FBXO4: variants seen among roughly 807,000 people sequenced by gnomAD.
FBXO4 encodes the protein F-box protein 4.
Under a neutral mutation model 43.7 loss-of-function variants are expected in FBXO4, and 36 were observed. The ratio of observed to expected loss-of-function variants is 0.82; its 90% confidence interval spans 0.63 to 1.09. FBXO4 has a LOEUF of 1.09. FBXO4 is among the 50% of genes least tolerant of loss of function. The pLI is 0.00. For synonymous variants in FBXO4, 180 were observed against 165.6 expected, an observed-to-expected ratio of 1.09 and a Z score of -0.67; for missense variants, 435 against 474.1, an observed-to-expected ratio of 0.92 and a Z score of 0.77.
chr5:41,950,683 T>C, the FBXO4 span, among the ~76,000 whole-genome samples: 4 of 152,198 alleles, frequency 2.6e-5, no homozygotes, highest in Non-Finnish European at 4.4e-5. Context: ...GAACTAGAAA[T>C]ACTATTTGAC....
At chr5:41,962,506 C>T in the FBXO4 span, among the ~76,000 whole-genome samples, 1 of 152,152 alleles carries the variant, frequency 6.6e-6, no homozygotes, top group African/African-American at 2.4e-5. Context: ...CTTTCCTGCT[C>T]TTCTCTTAGC....
chr5:41,934,436 C>T (rs1009099027), intron 5 of FBXO4, 128 bp downstream of exon 5: 48 of 1,508,328 alleles, frequency 3.2e-5, no homozygotes, highest in Non-Finnish European at 4.2e-5. Context: ...TTTTCTGACC[C>T]TTACTATTAA....
chr5:42,001,381 C>T, the FBXO4 span, among the ~76,000 whole-genome samples: 1 of 152,172 alleles, frequency 6.6e-6, no homozygotes, highest in Admixed American at 6.5e-5. Flanking sequence ...AGGCACACGC[C>T]ACCATGCGCA....
the FBXO4 span, among the ~76,000 whole-genome samples, chr5:41,960,629 T>C: frequency 2.0e-5 from 3 of 152,186 alleles, no homozygotes; most frequent in African/African-American, 7.2e-5. Flanking sequence ...TGTCCTTTAT[T>C]CTGTTAATGT....
In FBXO4 at chr5:41,929,775, A is replaced by G. The variant is rs1233812616; in HGVS notation, c.504A>G (p.Leu168=). The change falls in exon 3 of 7, where the codon TTA becomes TTG. Residue 168 remains leucine (L), a synonymous_variant. Coordinates refer to ENST00000281623, the MANE Select transcript of FBXO4 (RefSeq NM_012176.3). Reference sequence around the variant, plus strand: ...TGTATGGAGCTGTCACTTCTTTTTTACACTCCCTGATCATTCAGAATGAAC... The same window carrying G: ...TGTATGGAGCTGTCACTTCTTTTTTGCACTCCCTGATCATTCAGAATGAAC... ...RPMYGAVTSF[L]HSLIIQNEPR... The G allele has an allele frequency of 1.2e-6, 2 of 1,614,030 alleles. No homozygotes were observed. The highest frequency in any genetic ancestry group is 2.7e-5 in the African/African-American group (2 of 75,036).
At chr5:42,028,972 G>C in the FBXO4 span, among the ~76,000 whole-genome samples, 1 of 151,888 alleles carries the variant, frequency 6.6e-6, no homozygotes, top group Non-Finnish European at 1.5e-5. Context: ...AGGATGAGTA[G>C]TTTACACATC....
the FBXO4 span, among the ~76,000 whole-genome samples, chr5:42,027,862 C>T: frequency 9.9e-4 from 150 of 151,794 alleles, no homozygotes; most frequent in African/African-American, 3.1e-3. Context: ...TTGTTATTGA[C>T]GTTTGGTTAC....
the FBXO4 span, among the ~76,000 whole-genome samples, chr5:42,000,851 G>A: frequency 2.0e-5 from 3 of 152,208 alleles, no homozygotes; most frequent in South Asian, 4.1e-4. Flanking sequence ...CCCATTGTGT[G>A]TTCTTGGCAT....
the FBXO4 span, among the ~76,000 whole-genome samples, chr5:42,024,020 C>G: frequency 6.6e-6 from 1 of 151,976 alleles, no homozygotes; most frequent in Non-Finnish European, 1.5e-5. Flanking sequence ...AGGTTGTGAC[C>G]TTACTGGTCC....
At chr5:42,017,814 T>C in the FBXO4 span, among the ~76,000 whole-genome samples, 12 of 152,198 alleles carry the variant, frequency 7.9e-5, no homozygotes, top group East Asian at 2.1e-3. Context: ...TTCCATGCTA[T>C]GCACCGCATT....
At chr5:42,039,819 G>A in the FBXO4 span, among the ~76,000 whole-genome samples, 1 of 152,090 alleles carries the variant, frequency 6.6e-6, no homozygotes, top group East Asian at 1.9e-4. Flanking sequence ...TACTAGTGGG[G>A]CTAATCTAAT....
chr5:41,988,334 C>A, the FBXO4 span, among the ~76,000 whole-genome samples: 1 of 152,226 alleles, frequency 6.6e-6, no homozygotes, highest in African/African-American at 2.4e-5. Context: ...ATAGTTTCTA[C>A]TGAGGGCAGA....
the FBXO4 span, among the ~76,000 whole-genome samples, chr5:41,972,620 A>C: frequency 6.6e-6 from 1 of 152,216 alleles, no homozygotes; most frequent in South Asian, 2.1e-4. Context: ...TAGCCAAAGC[A>C]ATCCTAAGCA....
chr5:41,993,906 C>A, the FBXO4 span, among the ~76,000 whole-genome samples: 1 of 151,992 alleles, frequency 6.6e-6, no homozygotes, highest in African/African-American at 2.4e-5. Flanking sequence ...AGATGGTGCC[C>A]ACACAGATTA....
the FBXO4 span, among the ~76,000 whole-genome samples, chr5:42,025,013 G>T: frequency 1.3e-5 from 2 of 151,898 alleles, no homozygotes; most frequent in Non-Finnish European, 2.9e-5. Context: ...AACAAATATG[G>T]GAGTGCAGAT....
intron 5 of FBXO4, chr5:41,934,526 T>C: frequency 1.5e-6 from 2 of 1,368,716 alleles, no homozygotes; most frequent in Non-Finnish European, 1.9e-6. Flanking sequence ...ATTCCTACCC[T>C]GGTGGATTTT....
chr5:42,016,642 A>G, the FBXO4 span, among the ~76,000 whole-genome samples: 1 of 152,076 alleles, frequency 6.6e-6, no homozygotes, highest in African/African-American at 2.4e-5. Flanking sequence ...TTACTAATAT[A>G]TAATATTTTA....
chr5:42,019,058 C>A, the FBXO4 span, among the ~76,000 whole-genome samples: 23 of 152,210 alleles, frequency 1.5e-4, no homozygotes, highest in South Asian at 4.8e-3. Context: ...ATTAGTTTAA[C>A]TGAAGAATTG....
chr5:41,988,723 T>A, the FBXO4 span, among the ~76,000 whole-genome samples: 1 of 152,198 alleles, frequency 6.6e-6, no homozygotes, highest in Non-Finnish European at 1.5e-5. Context: ...TGCTCTATGA[T>A]CTCACTTCTC....
Sources: gnomAD v4.1 joint callset for allele counts (sites outside exome capture counted in the v4.1 genomes callset) on GRCh38, gnomAD v4.1.1 for gene constraint, MANE v1.5 for transcripts, NCBI Gene and HGNC (gene_info 2026-07-23, HGNC 2026-07-21) for gene names.